Variants in OTUD7A observed in about 807,000 individuals in gnomAD.
The protein encoded by OTUD7A is OTU deubiquitinase 7A, also known as OTU domain-containing protein 7A.
Under a neutral mutation model 65.7 loss-of-function variants are expected in OTUD7A, and 12 were observed. That is an observed-to-expected ratio of 0.18 (90% CI 0.12 to 0.30). OTUD7A has a LOEUF of 0.30. Ranked by LOEUF, OTUD7A falls within the 10% of genes least tolerant of loss-of-function variation. OTUD7A has a pLI of 1.00. For synonymous variants in OTUD7A, 641 were observed against 586.3 expected, an observed-to-expected ratio of 1.09 and a Z score of -1.35; for missense variants, 1,148 against 1,304.8, an observed-to-expected ratio of 0.88 and a Z score of 1.85.
At chr15:31,798,269 G>T (rs1424747588) in intron 1 of OTUD7A, among the ~76,000 whole-genome samples, 1 of 152,180 alleles carries the variant, frequency 6.6e-6, no homozygotes, top group African/African-American at 2.4e-5. Context: ...TTCTGAGAGA[G>T]GGTGGCCCCA....
intron 3 of OTUD7A, among the ~76,000 whole-genome samples, chr15:31,638,979 A>G (rs1891428745): frequency 1.3e-5 from 2 of 152,178 alleles, no homozygotes; most frequent in South Asian, 2.1e-4. Context: ...CTAAAAATAC[A>G]AAAAATTAGC....
intron 1 of OTUD7A, among the ~76,000 whole-genome samples, chr15:31,694,400 C>G (rs1182582537): frequency 6.6e-6 from 1 of 152,210 alleles, no homozygotes. Flanking sequence ...CCCAGATCCC[C>G]TCAAGCCCCC....
At chr15:31,753,711 T>TGTGATATATAACCTGTG in intron 1 of OTUD7A, among the ~76,000 whole-genome samples, 1 of 116,502 alleles carries the variant, frequency 8.6e-6, no homozygotes, top group African/African-American at 4.4e-5. Flanking sequence ...ATTATATATA[T>TGTGATATATAACCTGTG]ATATATATAT....
In OTUD7A at chr15:31,527,298, C is replaced by G. The variant is rs757505283; in HGVS notation, c.663G>C (p.Gly221=). The G allele has an allele frequency of 1.2e-6, 2 of 1,613,958 alleles. No individual in the cohort carries two copies. The highest frequency in any genetic ancestry group is 1.7e-6 in the Non-Finnish European group (2 of 1,179,920). ...LLHAASLGMW[G]FHDRDLVLRK... is the part of the protein sequence containing the mutation. ...GTAACACCAGGTCCCGGTCGTGAAACCCCCACATTCCTGGAGCCAGGAGGC... is the reference window on the plus strand; with the variant it reads ...GTAACACCAGGTCCCGGTCGTGAAAGCCCCACATTCCTGGAGCCAGGAGGC... The change falls in exon 7 of 13, where the codon GGG becomes GGC. Residue 221 remains glycine, a synonymous_variant. Coordinates refer to ENST00000307050, the MANE Select transcript of OTUD7A (RefSeq NM_001382637.1).
At chr15:31,505,960 G>C (rs2041556639) in intron 8 of OTUD7A, among the ~76,000 whole-genome samples, 1 of 151,898 alleles carries the variant, frequency 6.6e-6, no homozygotes, top group Admixed American at 6.6e-5. Flanking sequence ...GGATGGTCTT[G>C]ATCTCCTGAC....
intron 1 of OTUD7A, among the ~76,000 whole-genome samples, chr15:31,808,098 AACACACAC>A (rs55911531): frequency 4.7e-4 from 45 of 95,798 alleles, no homozygotes; most frequent in Non-Finnish European, 8.2e-4. Flanking sequence ...ACAAATGCCA[AACACACAC>A]ACACACACAC....
chr15:31,649,311 C>T (rs1330948938), intron 3 of OTUD7A, among the ~76,000 whole-genome samples: 1 of 152,192 alleles, frequency 6.6e-6, no homozygotes, highest in Non-Finnish European at 1.5e-5. Context: ...TCACTTGCCT[C>T]AGTTTACCAA....
rs572704779 is a variant in OTUD7A at position 31,732,354 on chromosome 15, T to C, written c.-99-75277A>G. On this transcript the variant is annotated intron_variant, in intron 1 of 12. Coordinates refer to ENST00000307050, the MANE Select transcript of OTUD7A (RefSeq NM_001382637.1). ...TTGAGGAAAATGAGGCTCTGAGAGA[T>C]GCCTGATCTCCCCCAAGGGGAAGCT... 1.0e-3 allele frequency among the ~76,000 whole-genome samples: 154 copies of C among 152,348 alleles called. 2 individuals carry two copies. Among genetic ancestry groups the C allele is most frequent in the Non-Finnish European group, 1.8e-3 (124 of 68,032 alleles).
intron 10 of OTUD7A, among the ~76,000 whole-genome samples, chr15:31,497,067 C>T (rs570652244): frequency 6.6e-6 from 1 of 152,256 alleles, no homozygotes; most frequent in South Asian, 2.1e-4. Context: ...CATCTGTAAC[C>T]AGTGGACTCC....
intron 3 of OTUD7A, among the ~76,000 whole-genome samples, chr15:31,619,442 T>A (rs1005680178): frequency 6.6e-6 from 1 of 152,190 alleles, no homozygotes; most frequent in Non-Finnish European, 1.5e-5. Context: ...TATCCTCTTT[T>A]ATTTCATTGA....
chr15:31,701,300 C>T (rs981164808), intron 1 of OTUD7A, among the ~76,000 whole-genome samples: 11 of 150,622 alleles, frequency 7.3e-5, no homozygotes, highest in African/African-American at 2.0e-4. Flanking sequence ...ACTGTGGTTT[C>T]GTAAAGTGTT....
At chr15:31,528,172 G>A (rs2042039680) in intron 6 of OTUD7A, among the ~76,000 whole-genome samples, 1 of 152,252 alleles carries the variant, frequency 6.6e-6, no homozygotes, top group Admixed American at 6.5e-5. Flanking sequence ...ATAGCCACGA[G>A]GCTGGCACAG....
intron 1 of OTUD7A, among the ~76,000 whole-genome samples, chr15:31,660,513 C>T (rs141382199): frequency 1.3e-5 from 2 of 152,196 alleles, no homozygotes; most frequent in South Asian, 4.1e-4. Flanking sequence ...CATTCATATG[C>T]GTAGAGCACA....
chr15:31,610,843 A>T (rs1225528254), intron 3 of OTUD7A, among the ~76,000 whole-genome samples: 3 of 150,822 alleles, frequency 2.0e-5, no homozygotes, highest in African/African-American at 7.3e-5. Flanking sequence ...GTTAGCCAGG[A>T]TGGTCTCGAT....
At chr15:31,499,449 C>T (rs927606136) in intron 10 of OTUD7A, among the ~76,000 whole-genome samples, 8 of 152,232 alleles carry the variant, frequency 5.3e-5, no homozygotes, top group Non-Finnish European at 8.8e-5. Flanking sequence ...CAGCTCACTC[C>T]AGCAGGCCTG....
At chr15:31,659,713 A>G (rs893004393) in intron 1 of OTUD7A, among the ~76,000 whole-genome samples, 1 of 152,224 alleles carries the variant, frequency 6.6e-6, no homozygotes, top group Non-Finnish European at 1.5e-5. Context: ...CACCCATCAC[A>G]GCCAGAGAGC....
At chr15:31,662,887 TAC>T (rs1177827075) in intron 1 of OTUD7A, among the ~76,000 whole-genome samples, 6 of 152,214 alleles carry the variant, frequency 3.9e-5, no homozygotes, top group Non-Finnish European at 8.8e-5. Context: ...GATAGCATAT[TAC>T]ACAGTTACTC....
intron 3 of OTUD7A, among the ~76,000 whole-genome samples, chr15:31,628,007 A>G (rs1306232397): frequency 6.6e-6 from 1 of 151,926 alleles, no homozygotes; most frequent in African/African-American, 2.4e-5. Context: ...TTGTCAGATG[A>G]GTAGGTTGCA....
At chr15:31,528,258 A>C (rs532385107) in intron 6 of OTUD7A, among the ~76,000 whole-genome samples, 32 of 152,308 alleles carry the variant, frequency 2.1e-4, no homozygotes, top group African/African-American at 7.7e-4. Flanking sequence ...GAATGGAGAC[A>C]TAGGAGCAAA....
Sources: allele counts gnomAD v4.1 joint callset (sites outside exome capture counted in the v4.1 genomes callset), GRCh38; gene constraint gnomAD v4.1.1; transcripts MANE v1.5; gene names NCBI Gene and HGNC (gene_info 2026-07-23, HGNC 2026-07-21).